The following VPS35L variants were observed in gnomAD, a reference collection of about 807,000 sequenced individuals.
VPS35L encodes VPS35 endosomal protein sorting factor like.
A neutral mutation model predicts 133.0 loss-of-function variants in VPS35L; 83 were observed. That is an observed-to-expected ratio of 0.62 (90% confidence interval 0.52 to 0.75). The LOEUF (loss-of-function observed/expected upper bound fraction) is 0.75, where lower values mean the gene tolerates loss of function less well. Ranked by LOEUF, VPS35L falls within the 30% of genes least tolerant of loss-of-function variation. VPS35L has a pLI of 0.00. For missense variants in VPS35L, 1,083 were observed against 1,206.8 expected, an observed-to-expected ratio of 0.90 and a Z score of 1.52; for synonymous variants, 423 against 449.9, an observed-to-expected ratio of 0.94 and a Z score of 0.76.
intron 2 of VPS35L, among the ~76,000 whole-genome samples, chr16:19,568,282 G>A (rs780298458): frequency 1.3e-5 from 2 of 151,704 alleles, no homozygotes; most frequent in Non-Finnish European, 2.9e-5. Flanking sequence ...TCACCTACCT[G>A]GAAGCTCTTC....
intron 15 of VPS35L, 143 bp from the exon 16 acceptor site, chr16:19,627,551 A>G: frequency 1.5e-6 from 1 of 647,368 alleles, no homozygotes; most frequent in Non-Finnish European, 2.7e-6. Context: ...TCTCCAGTTT[A>G]CCTTTTTACT....
chr16:19,663,240 G>A (rs1974546093), intron 26 of VPS35L, among the ~76,000 whole-genome samples: 1 of 152,176 alleles, frequency 6.6e-6, no homozygotes, highest in South Asian at 2.1e-4. Flanking sequence ...GAACCCAGGA[G>A]GTGGAGGTTG....
intron 27 of VPS35L, among the ~76,000 whole-genome samples, chr16:19,679,292 A>G (rs894033959): frequency 6.6e-6 from 1 of 151,900 alleles, no homozygotes; most frequent in East Asian, 1.9e-4. Context: ...CAGTATCATA[A>G]GAGCAATTCT....
chr16:19,694,075 TAAGAG>T (rs1173688118), intron 29 of VPS35L: 4 of 151,980 alleles, frequency 2.6e-5, no homozygotes, highest in Admixed American at 1.3e-4. Flanking sequence ...AAAATAGCTA[TAAGAG>T]AAGACTTGAA....
chr16:19,617,066 A>C, intron 14 of VPS35L: 1 of 618,936 alleles, frequency 1.6e-6, no homozygotes, highest in Non-Finnish European at 2.9e-6. Context: ...CACAGCTAGA[A>C]AGCAGTTTGG....
At chr16:19,581,868 G>A in intron 7 of VPS35L, 2 of 606,638 alleles carry the variant, frequency 3.3e-6, no homozygotes, top group Non-Finnish European at 5.7e-6. Context: ...CACAGGTTGT[G>A]CACTGCACAA....
intron 16 of VPS35L, 111 bp downstream of exon 16, chr16:19,627,916 G>A (rs1973320756): frequency 7.2e-6 from 6 of 832,330 alleles, no homozygotes; most frequent in East Asian, 2.5e-5. Flanking sequence ...GAACACAGGC[G>A]AAGGCTCTGT....
At chr16:19,643,206 G>A (rs1028098095) in intron 22 of VPS35L, among the ~76,000 whole-genome samples, 5 of 152,040 alleles carry the variant, frequency 3.3e-5, no homozygotes, top group Admixed American at 1.3e-4. Context: ...TCAAAGTGTC[G>A]AGGCATTTCA....
chr16:19,642,344 G>A, intron 21 of VPS35L, 52 bp from the exon 22 acceptor site: 2 of 1,476,582 alleles, frequency 1.4e-6, no homozygotes, highest in South Asian at 1.2e-5. Flanking sequence ...ATCCACTCTT[G>A]CAGTGCTGTC....
chr16:19,610,429 G>A lies in VPS35L; in HGVS notation c.1023+14G>A. The A allele has an allele frequency of 6.2e-7, 1 of 1,608,946 alleles. No individual in the cohort carries two copies. The highest frequency in any genetic ancestry group is 8.5e-7 in the Non-Finnish European group (1 of 1,176,060). On this transcript the variant is annotated intron_variant, in intron 12 of 30. Transcript: ENST00000417362. ...TACCTGTGCCGGGTAGGCCATGCGA[G>A]TCACTGCCCTTGACGGCACGGCTGC...
chr16:19,689,586 T>G (rs1454354946), intron 28 of VPS35L, among the ~76,000 whole-genome samples: 1 of 152,164 alleles, frequency 6.6e-6, no homozygotes, highest in Non-Finnish European at 1.5e-5. Flanking sequence ...TTTCATTTTC[T>G]GCAGTTTCAG....
chr16:19,642,472 G>A lies in VPS35L; in HGVS notation c.1861G>A (p.Val621Met). The A allele has an allele frequency of 6.2e-7, 1 of 1,611,332 alleles. No individual in the cohort carries two copies. The highest frequency in any genetic ancestry group is 2.2e-5 in the East Asian group (1 of 44,846). Residue 621 changes from valine (V) to methionine (M), a missense_variant, in exon 22 of 31, where the codon GTG (valine) becomes ATG (methionine). Transcript: ENST00000417362. The part of the protein sequence containing the change: ...LHVCKTMHDS[V>M]NALTLEDEKR... The stretch of plus-strand genomic sequence containing the variant: ...TGTTTGCAAGACCATGCATGACTCT[G>A]TGAAGTAAGCCATGCTTACAGCTGA...
intron 14 of VPS35L, chr16:19,617,683 C>T (rs185213215): frequency 6.6e-6 from 1 of 152,066 alleles, no homozygotes; most frequent in East Asian, 1.9e-4. Flanking sequence ...TTTAGTAGAA[C>T]ACCAATTCAA....
chr16:19,596,985 C>T (rs1291014967), intron 8 of VPS35L, among the ~76,000 whole-genome samples: 1 of 151,862 alleles, frequency 6.6e-6, no homozygotes, highest in Non-Finnish European at 1.5e-5. Context: ...AGCCACTGCA[C>T]TCCATTCTGG....
chr16:19,645,460 T>C (rs1477002638), intron 23 of VPS35L, among the ~76,000 whole-genome samples: 1 of 152,088 alleles, frequency 6.6e-6, no homozygotes, highest in Non-Finnish European at 1.5e-5. Context: ...CGGCTAATTT[T>C]TTGTATTTTT....
At chr16:19,692,062 G>A (rs1273709303) in intron 29 of VPS35L, among the ~76,000 whole-genome samples, 1 of 152,056 alleles carries the variant, frequency 6.6e-6, no homozygotes, top group Non-Finnish European at 1.5e-5. Context: ...TTTTTTAGTA[G>A]AGATGGGGTT....
chr16:19,569,663 G>A (rs184670056), intron 3 of VPS35L, 72 bp downstream of exon 3: 781 of 1,395,612 alleles, frequency 5.6e-4, no homozygotes, highest in Non-Finnish European at 6.9e-4. Context: ...GTTTTCTTGT[G>A]CCCTGCCCTT....
At chr16:19,690,956 C>T (rs1345885886) in intron 28 of VPS35L, among the ~76,000 whole-genome samples, 5 of 143,518 alleles carry the variant, frequency 3.5e-5, no homozygotes, top group African/African-American at 5.3e-5. Context: ...AGAGAGACTC[C>T]GTCTCAAAAA....
At position 19,575,142 on chromosome 16, in the gene VPS35L, GT is replaced by G. The variant is rs771070382; in HGVS notation, c.433+24del. ...AAAAAGGTAAGATGAGTTTGTTGTT[GT>G]TTTGATGGGAAAATTCTGGCATTAC... On this transcript the variant is annotated intron_variant, in intron 5 of 30. Coordinates refer to ENST00000417362, the MANE Select transcript of VPS35L (RefSeq NM_020314.7). The G allele has an allele frequency of 6.9e-6, 11 of 1,602,670 alleles. No individual in the cohort carries two copies. Among genetic ancestry groups the G allele is most frequent in the Non-Finnish European group, 8.5e-6 (10 of 1,171,954 alleles).
Sources: allele counts gnomAD v4.1 joint callset (sites outside exome capture counted in the v4.1 genomes callset), GRCh38; gene constraint gnomAD v4.1.1; transcripts MANE v1.5; gene names NCBI Gene and HGNC (gene_info 2026-07-23, HGNC 2026-07-21).